CNTNAP2: variants seen among roughly 807,000 people sequenced by gnomAD.
The protein encoded by CNTNAP2 is contactin associated protein 2.
CNTNAP2 carries 98 observed loss-of-function variants against 155.2 expected under a neutral mutation model. That is an observed-to-expected ratio of 0.63 (90% CI 0.54 to 0.75). CNTNAP2 has a LOEUF of 0.75. Ranked by LOEUF, CNTNAP2 falls within the 30% of genes least tolerant of loss-of-function variation. The pLI is 0.00. For missense variants in CNTNAP2, 1,727 were observed against 1,688.1 expected (o/e 1.02, Z -0.40); for synonymous variants, 651 against 631.2 (o/e 1.03, Z -0.47).
chr7:147,103,999 T>C lies in CNTNAP2; in HGVS notation c.551-4148T>C, dbSNP rs1039296951. Among the ~76,000 whole-genome samples, 10 of 152,172 alleles carry C rather than the reference T, an allele frequency of 6.6e-5. No homozygotes were observed. In the East Asian group the frequency reaches 1.2e-3, roughly 18 times the overall value. ...ACTAAATGCAATCTGAGATCCTGGA[T>C]TGAATCCTAGAACAGCAACAAAAAA... On this transcript the variant is annotated intron_variant, in intron 4 of 23. Coordinates refer to ENST00000361727, the MANE Select transcript of CNTNAP2 (RefSeq NM_014141.6).
intron 8 of CNTNAP2, among the ~76,000 whole-genome samples, chr7:147,244,072 A>G (rs992826516): frequency 6.6e-6 from 1 of 152,158 alleles, no homozygotes; most frequent in African/African-American, 2.4e-5. Flanking sequence ...TAATAAATCT[A>G]AATTCTTCAA....
At chr7:147,253,964 C>T (rs559841547) in intron 8 of CNTNAP2, among the ~76,000 whole-genome samples, 2 of 152,340 alleles carry the variant, frequency 1.3e-5, no homozygotes, top group South Asian at 4.1e-4. Context: ...TCCAGCCCCA[C>T]AGTAAGTGCG....
intron 3 of CNTNAP2, among the ~76,000 whole-genome samples, chr7:147,015,646 A>G (rs1798711763): frequency 2.0e-5 from 3 of 152,098 alleles, no homozygotes; most frequent in Admixed American, 2.0e-4. Flanking sequence ...TGAGTCATTG[A>G]ACTGCTGTTG....
At chr7:146,908,823 G>C (rs1796205778) in intron 3 of CNTNAP2, among the ~76,000 whole-genome samples, 1 of 128,316 alleles carries the variant, frequency 7.8e-6, no homozygotes, top group Admixed American at 7.2e-5. Context: ...GAAGGAAATA[G>C]AGACACAAAA....
chr7:146,255,480 C>T (rs1477186115), intron 1 of CNTNAP2, among the ~76,000 whole-genome samples: 2 of 152,114 alleles, frequency 1.3e-5, no homozygotes, highest in Non-Finnish European at 2.9e-5. Flanking sequence ...GACCAGTGAG[C>T]CAAGACATTC....
At chr7:148,054,497 A>G (rs1802971235) in intron 15 of CNTNAP2, among the ~76,000 whole-genome samples, 1 of 139,500 alleles carries the variant, frequency 7.2e-6, no homozygotes, top group African/African-American at 2.8e-5. Context: ...TAAAGAGCTT[A>G]GAATTTTATT....
At chr7:147,611,121 C>T (rs930371178) in intron 12 of CNTNAP2, among the ~76,000 whole-genome samples, 1 of 151,786 alleles carries the variant, frequency 6.6e-6, no homozygotes, top group Non-Finnish European at 1.5e-5. Context: ...GAAGAGCAAG[C>T]AATACGTTAT....
chr7:148,178,152 G>C (rs1794979909), intron 18 of CNTNAP2, among the ~76,000 whole-genome samples: 1 of 152,150 alleles, frequency 6.6e-6, no homozygotes. Flanking sequence ...CTTTCACCAA[G>C]CCAAGTTAAG....
chr7:147,489,310 A>C (rs1333452819), intron 11 of CNTNAP2, among the ~76,000 whole-genome samples: 1 of 152,238 alleles, frequency 6.6e-6, no homozygotes, highest in Admixed American at 6.5e-5. Flanking sequence ...TAGACAACTC[A>C]ATCCCACAGA....
chr7:147,950,298 C>T (rs572327460), intron 14 of CNTNAP2, among the ~76,000 whole-genome samples: 1 of 128,490 alleles, frequency 7.8e-6, no homozygotes, highest in Non-Finnish European at 1.6e-5. Flanking sequence ...GATGAATTGT[C>T]CTTATATCCT....
At chr7:147,143,852 C>T (rs905636626) in intron 8 of CNTNAP2, among the ~76,000 whole-genome samples, 1 of 151,892 alleles carries the variant, frequency 6.6e-6, no homozygotes, top group Admixed American at 6.6e-5. Flanking sequence ...TATACATTTG[C>T]CAGAAAATGT....
chr7:147,886,475 C>CAAAAAAAAAAAAAAAAAAAA (rs532837902), intron 13 of CNTNAP2, among the ~76,000 whole-genome samples: 3 of 39,736 alleles, frequency 7.5e-5, no homozygotes, highest in East Asian at 1.4e-3. Flanking sequence ...AACTCCATCT[C>CAAAAAAAAAAAAAAAAAAAA]AAAAAAAAAA....
intron 22 of CNTNAP2, among the ~76,000 whole-genome samples, chr7:148,388,560 T>C (rs1563068998): frequency 6.6e-6 from 1 of 152,056 alleles, no homozygotes; most frequent in Non-Finnish European, 1.5e-5. Context: ...GACATTTGGG[T>C]TGGTTCCAAG....
At position 147,055,991 on chromosome 7, in the gene CNTNAP2, T is replaced by C. The variant is rs370310043; in HGVS notation, c.550+11937T>C. On this transcript the variant is annotated intron_variant, in intron 4 of 23. Coordinates refer to ENST00000361727, the MANE Select transcript of CNTNAP2 (RefSeq NM_014141.6). ...CCTTATACCACAAGCTCTTAATGTT[T>C]TGTTTTCTACAATTATTAATAATCT... Among the ~76,000 whole-genome samples the C allele has an allele frequency of 9.4e-4, 143 of 152,312 alleles. 1 individual carries two copies. Among genetic ancestry groups the C allele is most frequent in the African/African-American group, 3.3e-3 (136 of 41,572 alleles).
At chr7:146,843,527 G>A (rs726750) in intron 3 of CNTNAP2, among the ~76,000 whole-genome samples, 5,570 of 148,288 alleles carry the variant, frequency 0.038, 344 homozygotes, top group African/African-American at 0.13. Flanking sequence ...TTAAGTACCA[G>A]TAAGCCTGCC....
intron 13 of CNTNAP2, among the ~76,000 whole-genome samples, chr7:147,647,049 A>G (rs1795376545): frequency 6.6e-6 from 1 of 150,656 alleles, no homozygotes. Flanking sequence ...GGCATGATCT[A>G]GGCTCACTGC....
chr7:146,572,170 A>C (rs546397245), intron 1 of CNTNAP2, among the ~76,000 whole-genome samples: 1 of 152,298 alleles, frequency 6.6e-6, no homozygotes, highest in African/African-American at 2.4e-5. Flanking sequence ...TGAAAAGTCA[A>C]AAAGTCCAGA....
intron 15 of CNTNAP2, among the ~76,000 whole-genome samples, chr7:148,044,278 G>A (rs1166594329): frequency 6.6e-6 from 1 of 151,652 alleles, no homozygotes; most frequent in Admixed American, 6.6e-5. Context: ...GGGTTCCCGG[G>A]ACGTGGTTGT....
At chr7:146,230,342 A>C (rs967590499) in intron 1 of CNTNAP2, among the ~76,000 whole-genome samples, 7 of 152,160 alleles carry the variant, frequency 4.6e-5, no homozygotes, top group African/African-American at 7.2e-5. Flanking sequence ...GAACAAACTT[A>C]GAGACAAGCA....
Sources: allele counts gnomAD v4.1 joint callset (sites outside exome capture counted in the v4.1 genomes callset), GRCh38; gene constraint gnomAD v4.1.1; transcripts MANE v1.5; gene names NCBI Gene and HGNC (gene_info 2026-07-23, HGNC 2026-07-21).